The following KCNN2 variants were observed in gnomAD, a reference collection of about 807,000 sequenced individuals.
The protein encoded by KCNN2 is small conductance calcium-activated potassium channel protein 2.
Under a neutral mutation model 55.5 loss-of-function variants are expected in KCNN2, and 24 were observed. The ratio of observed to expected loss-of-function variants is 0.43; its 90% CI spans 0.31 to 0.61. The LOEUF is 0.61. KCNN2 is among the 20% of genes least tolerant of loss of function. The pLI is 0.08. For missense variants in KCNN2, 754 were observed against 853.6 expected (o/e 0.88, Z 1.45); for synonymous variants, 431 against 336.1 (o/e 1.28, Z -3.09).
intron 3 of KCNN2, among the ~76,000 whole-genome samples, chr5:114,458,491 C>T (rs1761033750): frequency 6.6e-6 from 1 of 152,054 alleles, no homozygotes; most frequent in Non-Finnish European, 1.5e-5. Flanking sequence ...AGCATGTGGC[C>T]CAAGGCAAGT....
intron 2 of KCNN2, among the ~76,000 whole-genome samples, chr5:114,312,126 C>G (rs1756400669): frequency 6.6e-6 from 1 of 151,980 alleles, no homozygotes; most frequent in South Asian, 2.1e-4. Flanking sequence ...CTCTGGCTTT[C>G]AGAGCCTCCT....
chr5:114,296,104 G>A (rs1313263820), intron 2 of KCNN2, among the ~76,000 whole-genome samples: 5 of 152,150 alleles, frequency 3.3e-5, no homozygotes, highest in African/African-American at 1.2e-4. Context: ...TTATCTGGTG[G>A]TCTAAAGAAC....
chr5:114,346,844 G>A (rs1386416828), intron 2 of KCNN2, among the ~76,000 whole-genome samples: 2 of 150,968 alleles, frequency 1.3e-5, no homozygotes, highest in African/African-American at 4.9e-5. Flanking sequence ...AAAATACCAA[G>A]TTAAGCCTCG....
At chr5:114,336,160 A>G (rs1214661361) in intron 2 of KCNN2, among the ~76,000 whole-genome samples, 1 of 152,222 alleles carries the variant, frequency 6.6e-6, no homozygotes, top group Non-Finnish European at 1.5e-5. Context: ...AAAGTGCTTA[A>G]TGGAAACAAA....
chr5:114,208,057 A>G (rs1753810184), intron 1 of KCNN2, among the ~76,000 whole-genome samples: 1 of 152,200 alleles, frequency 6.6e-6, no homozygotes, highest in East Asian at 1.9e-4. Context: ...CCAGATATTG[A>G]GTCTCTGCAT....
intron 1 of KCNN2, among the ~76,000 whole-genome samples, chr5:114,118,150 C>T (rs913187053): frequency 1.3e-5 from 2 of 152,132 alleles, no homozygotes; most frequent in Admixed American, 1.3e-4. Context: ...ACAGCATTTC[C>T]CTAGCTTAGT....
chr5:114,181,389 T>C (rs905333740), intron 1 of KCNN2, among the ~76,000 whole-genome samples: 1 of 152,224 alleles, frequency 6.6e-6, no homozygotes. Context: ...TTATTGGCAA[T>C]GCATATGTCT....
chr5:114,101,107 C>G (rs1751365179), intron 1 of KCNN2, among the ~76,000 whole-genome samples: 2 of 151,780 alleles, frequency 1.3e-5, no homozygotes, highest in African/African-American at 4.8e-5. Context: ...TCCATAAATT[C>G]TAAACTGAAT....
intron 1 of KCNN2, among the ~76,000 whole-genome samples, chr5:114,060,614 T>G (rs1691733304): frequency 6.6e-6 from 1 of 152,210 alleles, no homozygotes; most frequent in South Asian, 2.1e-4. Context: ...AATGTAGGCT[T>G]TGGGATATAA....
At position 114,375,588 on chromosome 5, in the gene KCNN2, T is replaced by C. The variant is rs1580763797; in HGVS notation, c.1218+11587T>C. 3.3e-5 allele frequency among the ~76,000 whole-genome samples: 5 copies of C among 152,290 alleles called. No individual in the cohort carries two copies. In the East Asian group the frequency reaches 9.7e-4, roughly 29 times the overall value. On this transcript the variant is annotated intron_variant, in intron 2 of 7. Transcript: ENST00000673685. ...ATATTTATTTAGTTATACATGTCAT[T>C]GGTTTAAAACCTTTAGCTTACTGCT... is the stretch of plus-strand genomic sequence containing the variant.
At chr5:114,240,464 T>A (rs1224037438) in intron 2 of KCNN2, among the ~76,000 whole-genome samples, 1 of 148,042 alleles carries the variant, frequency 6.8e-6, no homozygotes, top group Non-Finnish European at 1.5e-5. Context: ...AAAGTCTCAC[T>A]CTTTTACCCA....
intron 1 of KCNN2, among the ~76,000 whole-genome samples, chr5:114,192,324 A>G (rs556260871): frequency 6.6e-6 from 1 of 152,306 alleles, no homozygotes; most frequent in East Asian, 1.9e-4. Context: ...TCTCCAAATG[A>G]TAAATCACAG....
intron 1 of KCNN2, among the ~76,000 whole-genome samples, chr5:114,134,458 G>GATTGATTTATTTATTT (rs1452509272): frequency 6.6e-5 from 9 of 137,364 alleles, no homozygotes; most frequent in African/African-American, 2.2e-4. Flanking sequence ...ATCCAACCAT[G>GATTGATTTATTTATTT]ATTTATTTAT....
At chr5:114,172,547 A>C (rs1418030779) in intron 1 of KCNN2, among the ~76,000 whole-genome samples, 1 of 150,682 alleles carries the variant, frequency 6.6e-6, no homozygotes, top group Non-Finnish European at 1.5e-5. Context: ...ATACTGCATC[A>C]TGGAAGCTTT....
intron 2 of KCNN2, among the ~76,000 whole-genome samples, chr5:114,328,195 T>C (rs1020231797): frequency 2.6e-5 from 4 of 152,180 alleles, no homozygotes; most frequent in African/African-American, 7.2e-5. Flanking sequence ...CCTAATTGTG[T>C]GGAGCATTAT....
intron 1 of KCNN2, among the ~76,000 whole-genome samples, chr5:114,096,436 A>G (rs1208837845): frequency 2.0e-5 from 3 of 152,180 alleles, no homozygotes; most frequent in South Asian, 2.1e-4. Flanking sequence ...AATTGAAATA[A>G]GGACTTGCAC....
chr5:114,197,013 T>C (rs989033331), intron 1 of KCNN2, among the ~76,000 whole-genome samples: 4 of 152,172 alleles, frequency 2.6e-5, no homozygotes, highest in Non-Finnish European at 5.9e-5. Context: ...GACTTAGCTG[T>C]ACCCCATAGT....
chr5:114,132,041 A>G (rs889507522), intron 1 of KCNN2, among the ~76,000 whole-genome samples: 5 of 152,092 alleles, frequency 3.3e-5, no homozygotes, highest in Non-Finnish European at 4.4e-5. Flanking sequence ...GTTTTGTCAG[A>G]CGGATAGATT....
intron 1 of KCNN2, among the ~76,000 whole-genome samples, chr5:114,195,519 A>G (rs1753536851): frequency 6.6e-6 from 1 of 152,062 alleles, no homozygotes; most frequent in Non-Finnish European, 1.5e-5. Context: ...AGATTTTTGT[A>G]TATTTATCTT....
Sources: allele counts gnomAD v4.1 joint callset (sites outside exome capture counted in the v4.1 genomes callset), GRCh38; gene constraint gnomAD v4.1.1; transcripts MANE v1.5; gene names NCBI Gene and HGNC (gene_info 2026-07-23, HGNC 2026-07-21).